Variants in CLDN10 observed in about 807,000 individuals in gnomAD.
The protein encoded by CLDN10 is claudin-10.
CLDN10 carries 15 observed loss-of-function variants against 22.9 expected under a neutral mutation model. The ratio of observed to expected loss-of-function variants is 0.65; its 90% CI spans 0.44 to 1.01. The LOEUF is 1.01. CLDN10 is among the 50% of genes least tolerant of loss of function. CLDN10 has a pLI of 0.00. For missense variants in CLDN10, 247 were observed against 287.8 expected (o/e 0.86, Z 1.03); for synonymous variants, 114 against 111.4 (o/e 1.02, Z -0.15).
intron 1 of CLDN10, among the ~76,000 whole-genome samples, chr13:95,509,868 G>A (rs941343574): frequency 3.3e-5 from 5 of 152,120 alleles, no homozygotes; most frequent in African/African-American, 1.2e-4. Context: ...CTCTCACACA[G>A]CTGCCACAAT....
intron 1 of CLDN10, among the ~76,000 whole-genome samples, chr13:95,504,121 G>T (rs551422216): frequency 6.6e-6 from 1 of 152,124 alleles, no homozygotes; most frequent in Non-Finnish European, 1.5e-5. Flanking sequence ...AGAGATTGTC[G>T]ATAAAGCCAG....
upstream of CLDN10, among the ~76,000 whole-genome samples, chr13:95,551,332 C>T (rs1042275007): frequency 3.9e-5 from 6 of 152,202 alleles, no homozygotes; most frequent in Non-Finnish European, 7.3e-5. Flanking sequence ...ATGCACTGAA[C>T]TGCTGGTCCT....
intron 1 of CLDN10, among the ~76,000 whole-genome samples, chr13:95,486,629 A>C (rs944766305): frequency 6.6e-6 from 1 of 151,970 alleles, no homozygotes; most frequent in Admixed American, 6.6e-5. Flanking sequence ...ATGTAGTAGG[A>C]TCTCCCCTGG....
intron 1 of CLDN10, among the ~76,000 whole-genome samples, chr13:95,449,720 C>A (rs188376883): frequency 1.9e-4 from 29 of 150,808 alleles, no homozygotes; most frequent in African/African-American, 7.1e-4. Flanking sequence ...TGCACACCAC[C>A]ATGCTAGCTA....
chr13:95,490,877 T>A (rs2042865662), intron 1 of CLDN10, among the ~76,000 whole-genome samples: 1 of 152,224 alleles, frequency 6.6e-6, no homozygotes, highest in African/African-American at 2.4e-5. Flanking sequence ...CCACTGCTAT[T>A]GTGTTGCTGT....
chr13:95,553,006 T>G, intron 1 of CLDN10, 33 bp downstream of exon 1: 1 of 1,609,538 alleles, frequency 6.2e-7, no homozygotes, highest in Non-Finnish European at 8.5e-7. Context: ...CCCTCAGCCC[T>G]CCTTCCTTGA....
intron 1 of CLDN10, among the ~76,000 whole-genome samples, chr13:95,505,105 A>G (rs1256855074): frequency 6.6e-6 from 1 of 152,202 alleles, no homozygotes; most frequent in Non-Finnish European, 1.5e-5. Flanking sequence ...GTGTTTTCAA[A>G]GGCAAATACA....
chr13:95,525,391 A>T (rs1188234986), intron 1 of CLDN10, among the ~76,000 whole-genome samples: 1 of 152,170 alleles, frequency 6.6e-6, no homozygotes, highest in East Asian at 1.9e-4. Context: ...TATTCTGGAC[A>T]CTAGATCCTT....
chr13:95,446,940 A>T (rs1015741076), intron 1 of CLDN10, among the ~76,000 whole-genome samples: 7 of 152,208 alleles, frequency 4.6e-5, no homozygotes, highest in Admixed American at 3.3e-4. Flanking sequence ...AGTGTATGCC[A>T]TCTAACCTTT....
At chr13:95,555,776 A>C (rs2043631304) in intron 1 of CLDN10, among the ~76,000 whole-genome samples, 1 of 152,154 alleles carries the variant, frequency 6.6e-6, no homozygotes, top group Non-Finnish European at 1.5e-5. Flanking sequence ...CCCCACCTGC[A>C]AGTGGAAGCT....
At chr13:95,522,973 T>A (rs1002011445) in intron 1 of CLDN10, among the ~76,000 whole-genome samples, 1 of 151,984 alleles carries the variant, frequency 6.6e-6, no homozygotes, top group African/African-American at 2.4e-5. Context: ...TTTTGTTTTT[T>A]ATTTTTTATT....
chr13:95,439,278 AC>A (rs2042301900), intron 1 of CLDN10, among the ~76,000 whole-genome samples: 1 of 151,850 alleles, frequency 6.6e-6, no homozygotes, highest in African/African-American at 2.4e-5. Flanking sequence ...CATAGACGGC[AC>A]CTTCTCACTG....
In CLDN10 at chr13:95,467,520, TG is replaced by T. The variant is rs200003388; in HGVS notation, c.214+33474del. Among the ~76,000 whole-genome samples, 877 of 132,022 alleles carry T rather than the reference TG, an allele frequency of 6.6e-3. 6 individuals are homozygous for T. Among genetic ancestry groups the T allele is most frequent in the Middle Eastern group, 0.012 (3 of 244 alleles). 86.6% of individuals were successfully genotyped at this position (132,022 alleles called of 152,430 possible). On this transcript the variant is annotated intron_variant, in intron 1 of 4. Coordinates refer to the CLDN10 transcript ENST00000376873. The stretch of plus-strand genomic sequence containing the variant: ...ATCTATAAATTACCCCTCCCTCTAT[TG>T]TTTTTTTTGGGGGGGGCAATTTATT...
intron 1 of CLDN10, among the ~76,000 whole-genome samples, chr13:95,449,882 T>C (rs530523368): frequency 1.5e-3 from 231 of 152,160 alleles, no homozygotes; most frequent in Middle Eastern, 3.4e-3. Flanking sequence ...TAGCTGGGAC[T>C]ACAGGCGCCC....
intron 1 of CLDN10, among the ~76,000 whole-genome samples, chr13:95,527,156 G>A (rs1019663633): frequency 2.0e-5 from 3 of 152,106 alleles, no homozygotes; most frequent in African/African-American, 7.2e-5. Context: ...GATATAATTT[G>A]GGTTGTTTCT....
intron 1 of CLDN10, among the ~76,000 whole-genome samples, chr13:95,462,685 T>G (rs1470989143): frequency 6.6e-6 from 1 of 152,178 alleles, no homozygotes; most frequent in Non-Finnish European, 1.5e-5. Context: ...CATTAAGTAT[T>G]TGGAGAAGAA....
intron 1 of CLDN10, among the ~76,000 whole-genome samples, chr13:95,452,202 G>A (rs759190056): frequency 1.3e-5 from 2 of 151,906 alleles, no homozygotes; most frequent in Non-Finnish European, 2.9e-5. Flanking sequence ...TAATTTTCTC[G>A]CTGCTCACGT....
intron 3 of CLDN10, among the ~76,000 whole-genome samples, chr13:95,569,508 T>C (rs2138675133): frequency 6.6e-6 from 1 of 151,998 alleles, no homozygotes; most frequent in East Asian, 1.9e-4. Flanking sequence ...CACTTGAACC[T>C]GGGGGGTGGA....
At chr13:95,453,703 A>AG (rs1446041461) in intron 1 of CLDN10, among the ~76,000 whole-genome samples, 1 of 151,980 alleles carries the variant, frequency 6.6e-6, no homozygotes. Context: ...AGAAAAAAAA[A>AG]AAAGAGCAAG....
Sources: gnomAD v4.1 joint callset for allele counts (sites outside exome capture counted in the v4.1 genomes callset) on GRCh38, gnomAD v4.1.1 for gene constraint, MANE v1.5 for transcripts, NCBI Gene and HGNC (gene_info 2026-07-23, HGNC 2026-07-21) for gene names.